The following TNR variants were observed in gnomAD, a reference collection of about 807,000 sequenced individuals.
The protein encoded by TNR is tenascin-R.
TNR carries 45 observed loss-of-function variants against 150.4 expected under a neutral mutation model. That is an observed-to-expected ratio of 0.30 (90% confidence interval 0.24 to 0.38). The LOEUF (loss-of-function observed/expected upper bound fraction) is 0.38, where lower values mean the gene tolerates loss of function less well. Ranked by LOEUF, TNR falls within the 10% of genes least tolerant of loss-of-function variation. TNR has a pLI of 1.00. For missense variants in TNR, 1,544 were observed against 1,759.1 expected, an observed-to-expected ratio of 0.88 and a Z score of 2.19; for synonymous variants, 687 against 678.4, an observed-to-expected ratio of 1.01 and a Z score of -0.20.
At chr1:175,709,308 TACACACACACACAC>T (rs371591261) in intron 1 of TNR, among the ~76,000 whole-genome samples, 3 of 127,760 alleles carry the variant, frequency 2.3e-5, no homozygotes, top group Non-Finnish European at 5.0e-5. Context: ...CACACACACA[TACACACACACACAC>T]ACACACACAC....
At chr1:175,550,211 G>T (rs984846827) in intron 1 of TNR, among the ~76,000 whole-genome samples, 9 of 152,180 alleles carry the variant, frequency 5.9e-5, no homozygotes, top group African/African-American at 2.2e-4. Flanking sequence ...AGAGACAAGT[G>T]CCTCTGAAGA....
chr1:175,519,947 G>C (rs920368472), intron 2 of TNR, among the ~76,000 whole-genome samples: 2 of 152,066 alleles, frequency 1.3e-5, no homozygotes, highest in African/African-American at 2.4e-5. Flanking sequence ...AAACTACTTG[G>C]GTTCAAATCC....
chr1:175,506,968 G>A (rs551088530), intron 2 of TNR, among the ~76,000 whole-genome samples: 3 of 152,304 alleles, frequency 2.0e-5, no homozygotes, highest in African/African-American at 4.8e-5. Flanking sequence ...GACCCTAACA[G>A]TATAGCAGGG....
rs1483901829 is a variant in TNR at position 175,459,917 on chromosome 1, A to G, written c.-63-53140T>C. Among the ~76,000 whole-genome samples, 9 of 152,346 alleles carry G rather than the reference A, an allele frequency of 5.9e-5. No individual in the cohort carries two copies. The South Asian group carries it at 1.9e-3, about 32-fold the overall frequency. On this transcript the variant is annotated intron_variant, in intron 2 of 22. Coordinates refer to ENST00000367674, the MANE Select transcript of TNR (RefSeq NM_003285.3). ...TAGAAATGAATTGTATTCCTACTGC[A>G]GAGAGTTCATTTGATAAATAATGTA...
intron 1 of TNR, among the ~76,000 whole-genome samples, chr1:175,657,326 A>T (rs547399818): frequency 1.1e-4 from 16 of 152,344 alleles, no homozygotes; most frequent in South Asian, 6.2e-4. Flanking sequence ...TTGGTGGGAC[A>T]GTAAACTAGT....
intron 1 of TNR, among the ~76,000 whole-genome samples, chr1:175,659,673 G>T (rs576424744): frequency 4.7e-4 from 71 of 152,262 alleles, no homozygotes; most frequent in African/African-American, 1.6e-3. Context: ...GCCATCAAAT[G>T]GGAAGAATGG....
chr1:175,452,330 C>T (rs1177838211), intron 2 of TNR, among the ~76,000 whole-genome samples: 1 of 152,236 alleles, frequency 6.6e-6, no homozygotes, highest in East Asian at 1.9e-4. Context: ...TGACAATACA[C>T]AAGAGTAATG....
At chr1:175,608,335 G>A (rs1479136432) in intron 1 of TNR, among the ~76,000 whole-genome samples, 4 of 152,126 alleles carry the variant, frequency 2.6e-5, no homozygotes, top group Non-Finnish European at 5.9e-5. Context: ...ATATCTTTCT[G>A]GAAAAACACC....
Position 175,456,512 on chromosome 1 carries a change from G to A in TNR, c.-63-49735C>T, listed in dbSNP as rs543764034. Among the ~76,000 whole-genome samples, 52 of 152,318 alleles carry A rather than the reference G, an allele frequency of 3.4e-4. No homozygotes were observed. In the South Asian group the frequency reaches 0.01, roughly 30 times the overall value. On this transcript the variant is annotated intron_variant, in intron 2 of 22. Transcript: ENST00000367674. ...TACAACAATGCTTGACACTTAGACG[G>A]TGCTTAATAAATCTCCTAAGTAAAA...
chr1:175,391,262 T>C, intron 7 of TNR, 26 bp downstream of exon 7: 1 of 1,611,248 alleles, frequency 6.2e-7, no homozygotes, highest in Non-Finnish European at 8.5e-7. Context: ...TAGGCAGCTC[T>C]AGGGAGAAGG....
chr1:175,409,863 G>A (rs1352185792), intron 2 of TNR, among the ~76,000 whole-genome samples: 1 of 145,794 alleles, frequency 6.9e-6, no homozygotes, highest in Non-Finnish European at 1.5e-5. Flanking sequence ...GTGTGGGTGG[G>A]TGGGTTGGGC....
At chr1:175,338,776 C>A (rs915641554) in intron 18 of TNR, among the ~76,000 whole-genome samples, 7 of 152,152 alleles carry the variant, frequency 4.6e-5, no homozygotes, top group African/African-American at 1.7e-4. Context: ...GGCAACATAG[C>A]AACCTCACTG....
chr1:175,570,453 A>G (rs10913012), intron 1 of TNR, among the ~76,000 whole-genome samples: 21,958 of 152,114 alleles, frequency 0.14, 2,327 homozygotes, highest in African/African-American at 0.3. Flanking sequence ...TGTGCAGGGT[A>G]GACATGAATG....
At chr1:175,463,259 C>T (rs1053420871) in intron 2 of TNR, among the ~76,000 whole-genome samples, 13 of 152,134 alleles carry the variant, frequency 8.5e-5, no homozygotes, top group African/African-American at 3.1e-4. Context: ...CTCCTGATTC[C>T]GTTTTTCCAG....
At chr1:175,657,109 G>A (rs1665201209) in intron 1 of TNR, among the ~76,000 whole-genome samples, 1 of 152,156 alleles carries the variant, frequency 6.6e-6, no homozygotes, top group African/African-American at 2.4e-5. Flanking sequence ...TTTAGGGCTG[G>A]TGGTTCTCAG....
At chr1:175,487,951 T>C (rs1481892031) in intron 2 of TNR, among the ~76,000 whole-genome samples, 1 of 151,906 alleles carries the variant, frequency 6.6e-6, no homozygotes, top group Non-Finnish European at 1.5e-5. Flanking sequence ...TGCAGGAGAG[T>C]GTGTGGATGG....
chr1:175,464,450 G>A (rs1656943918), intron 2 of TNR, among the ~76,000 whole-genome samples: 1 of 152,144 alleles, frequency 6.6e-6, no homozygotes, highest in Non-Finnish European at 1.5e-5. Context: ...TTGGCCAAAG[G>A]GGCTAGAAGA....
intron 1 of TNR, among the ~76,000 whole-genome samples, chr1:175,711,052 A>G (rs1234902811): frequency 2.0e-5 from 3 of 152,178 alleles, no homozygotes; most frequent in African/African-American, 7.2e-5. Flanking sequence ...GTGAAATAAG[A>G]GGATGTGCCT....
chr1:175,323,474 G>T lies in TNR; in HGVS notation c.3960C>A (p.Gly1320=), dbSNP rs954287817. 1.2e-6 allele frequency: 2 copies of T among 1,613,724 alleles called. No homozygotes were observed. Among genetic ancestry groups the T allele is most frequent in the Non-Finnish European group, 1.7e-6 (2 of 1,179,816 alleles). ...GGCCTTTCCAATGGTACCAGTTGATGCCCTGGGCGTGAGAAAGATAAGCAT... is the reference window on the plus strand; with the variant it reads ...GGCCTTTCCAATGGTACCAGTTGATTCCCTGGGCGTGAGAAAGATAAGCAT... ...GKYGESRHSQ[G]INWYHWKGHE... Residue 1320 remains glycine (G), a splice_region_variant and synonymous_variant, in exon 23 of 23, where the codon GGC becomes GGA. Coordinates refer to ENST00000367674, the MANE Select transcript of TNR (RefSeq NM_003285.3).
Sources: gnomAD v4.1 joint callset for allele counts (sites outside exome capture counted in the v4.1 genomes callset) on GRCh38, gnomAD v4.1.1 for gene constraint, MANE v1.5 for transcripts, NCBI Gene and HGNC (gene_info 2026-07-23, HGNC 2026-07-21) for gene names.